The following SMG5 variants were observed in gnomAD, a reference collection of about 807,000 sequenced individuals.
The protein encoded by SMG5 is nonsense-mediated mRNA decay factor SMG5.
SMG5 carries 53 observed loss-of-function variants against 122.9 expected under a neutral mutation model. The observed-to-expected ratio is 0.43, with a 90% CI of 0.35 to 0.54. The LOEUF (loss-of-function observed/expected upper bound fraction) is 0.54. Among genes scored for constraint, SMG5 ranks in the 20% least tolerant of loss-of-function variants. SMG5 has a pLI of 0.01. For synonymous variants in SMG5, 477 were observed against 490.2 expected, an observed-to-expected ratio of 0.97 and a Z score of 0.35; for missense variants, 1,153 against 1,285.6, an observed-to-expected ratio of 0.90 and a Z score of 1.58.
chr1:156,271,065 C>T (rs777510107), intron 7 of SMG5, among the ~76,000 whole-genome samples: 5 of 151,274 alleles, frequency 3.3e-5, no homozygotes, highest in South Asian at 2.1e-4. Flanking sequence ...AACCTAGTAA[C>T]GATACTTAAG....
At chr1:156,272,868 T>A (rs973869519) in intron 6 of SMG5, among the ~76,000 whole-genome samples, 1 of 152,166 alleles carries the variant, frequency 6.6e-6, no homozygotes, top group Non-Finnish European at 1.5e-5. Context: ...CCCGGCCTAC[T>A]GACCTCTTCT....
intron 13 of SMG5, 61 bp from the exon 14 acceptor site, chr1:156,261,469 A>G: frequency 7.2e-7 from 1 of 1,383,280 alleles, no homozygotes; most frequent in South Asian, 1.2e-5. Context: ...AACAGCAGTG[A>G]GCAAGGAAAG....
chr1:156,261,399 T>C lies in SMG5; in HGVS notation c.2041A>G (p.Ser681Gly), dbSNP rs1371997724. The stretch of plus-strand genomic sequence containing the variant: ...AACACAGACAGGCGGTTCCACAGAC[T>C]TTGAGAGCTCTGGGGAGAGAGAAGG... ...LIIVCAQSSQ[S>G]LWNRLSVLLN... is the part of the protein sequence containing the mutation. The change falls in exon 14 of 22, where the codon AGT (serine) becomes GGT (glycine). Residue 681 changes from serine (S) to glycine (G), a missense_variant. Coordinates refer to ENST00000361813, the MANE Select transcript of SMG5 (RefSeq NM_015327.3). 1.9e-6 allele frequency: 3 copies of C among 1,613,704 alleles called. No homozygotes were observed. The African/African-American group carries it at 4.0e-5, about 22-fold the overall frequency.
At chr1:156,266,775 A>C in intron 10 of SMG5, 97 bp from the exon 11 acceptor site, 1 of 1,351,812 alleles carries the variant, frequency 7.4e-7, no homozygotes, top group Non-Finnish European at 1.0e-6. Flanking sequence ...CAACTCTTCC[A>C]AGGATCCAAC....
At position 156,251,469 on chromosome 1, in the gene SMG5, C is replaced by T. The variant is rs759619813; in HGVS notation, c.2762G>A (p.Arg921His). Residue 921 changes from arginine (R) to histidine (H), a missense_variant, in exon 20 of 22, where the codon CGC (arginine) becomes CAC (histidine). Arg to His is a conservative substitution (Grantham distance 29, BLOSUM62 0). Around this residue, in one of 5 missense-constraint regions of SMG5, gnomAD observed 140 missense variants for 227.8 expected, o/e 0.61. Transcript: ENST00000361813. Reference protein sequence around the residue: ...AEFKKGNRYIRCQKEVGKSFE... With the variant: ...AEFKKGNRYIHCQKEVGKSFE... ...GCTCTTTCCCACCTCTTTCTGGCAG[C>T]GAATGTACCTGCAGAGGAGATGTGC... The T allele has an allele frequency of 3.1e-6, 5 of 1,614,034 alleles. No individual in the cohort carries two copies. The highest frequency in any genetic ancestry group is 1.7e-4 in the Middle Eastern group (1 of 5,952).
chr1:156,282,644 G>A lies in SMG5; in HGVS notation c.37C>T (p.Pro13Ser), dbSNP rs771884743. Reference sequence around the variant, plus strand: ...TTAGTGTGGAGGACTTTTGCTTCGGGCTCGCTGCTCTCCCCTGTGGGGGGG... The same window carrying A: ...TTAGTGTGGAGGACTTTTGCTTCGGACTCGCTGCTCTCCCCTGTGGGGGGG... ...QGPPTGESSE[P>S]EAKVLHTKRL... Residue 13 changes from proline (P) to serine (S), a missense_variant, in exon 1 of 22, where the codon CCC becomes TCC. Coordinates refer to ENST00000361813, the MANE Select transcript of SMG5 (RefSeq NM_015327.3). 9 of 1,608,088 alleles carry A rather than the reference G, an allele frequency of 5.6e-6. No individual in the cohort carries two copies. Among genetic ancestry groups the A allele is most frequent in the Non-Finnish European group, 6.8e-6 (8 of 1,179,660 alleles).
chr1:156,276,063 G>A (rs149828289), intron 4 of SMG5, among the ~76,000 whole-genome samples: 42 of 151,252 alleles, frequency 2.8e-4, no homozygotes, highest in African/African-American at 8.5e-4. Flanking sequence ...CAATCCTCCC[G>A]CCTTGGCCTC....
At chr1:156,291,285 G>C in the SMG5 span, 1 of 1,047,876 alleles carries the variant, frequency 9.5e-7, no homozygotes, top group East Asian at 2.4e-5. Context: ...CCCACCAACT[G>C]CATCTGCCTC....
At chr1:156,262,763 C>A (rs1456140809) in intron 13 of SMG5, among the ~76,000 whole-genome samples, 1 of 152,236 alleles carries the variant, frequency 6.6e-6, no homozygotes, top group Non-Finnish European at 1.5e-5. Flanking sequence ...CAAACCGTCT[C>A]ATCTGGGGAC....
chr1:156,285,943 A>G (rs773318872), upstream of SMG5: 34 of 1,612,558 alleles, frequency 2.1e-5, no homozygotes, highest in Non-Finnish European at 2.5e-5. Flanking sequence ...TGATCTACAC[A>G]CTGCGCTGCG....
rs1558244523 is a variant in SMG5 at position 156,274,705 on chromosome 1, G to C, written c.455-19C>G. On this transcript the variant is annotated intron_variant, in intron 4 of 21. Transcript: ENST00000361813. ...TTGCATCCTATGAGACAAAGAGAAAGAGATTTGTAGGCCCATTCTTCTGCC... is the reference window on the plus strand; with the variant it reads ...TTGCATCCTATGAGACAAAGAGAAACAGATTTGTAGGCCCATTCTTCTGCC... 6.2e-7 allele frequency: 1 copy of C among 1,602,642 alleles called. No individual in the cohort carries two copies. The highest frequency in any genetic ancestry group is 1.3e-5 in the African/African-American group (1 of 74,824).
chr1:156,249,627 G>A lies in SMG5; in HGVS notation c.*960C>T. The A allele has an allele frequency of 2.5e-6, 1 of 407,438 alleles. No homozygotes were observed. Among genetic ancestry groups the A allele is most frequent in the Non-Finnish European group, 5.1e-6 (1 of 197,564 alleles). The allele number at this position is 407,438 out of a possible 1,614,324, so 25.2% of individuals were successfully genotyped here. A position where few individuals can be genotyped will look rare whatever the true frequency, so the allele number is the denominator to read the frequency against. On this transcript the variant is annotated 3_prime_UTR_variant, in exon 22 of 22. Transcript: ENST00000361813. The stretch of plus-strand genomic sequence containing the variant: ...TCAGTCCTGCGGAAGGCAAAAGGAG[G>A]GACGGGGGCCTCTGACTGAGCAGCT...
chr1:156,286,465 C>T (rs200567478), upstream of SMG5: 278 of 1,614,084 alleles, frequency 1.7e-4, no homozygotes, highest in Middle Eastern at 8.2e-4. Flanking sequence ...GTCTCTTTGC[C>T]GTCTCCCGGT....
the SMG5 span, among the ~76,000 whole-genome samples, chr1:156,288,803 T>C: frequency 2.0e-5 from 3 of 152,186 alleles, no homozygotes; most frequent in Non-Finnish European, 4.4e-5. Flanking sequence ...TCCCAATAGG[T>C]TTTCCCAAAA....
At chr1:156,258,888 T>A in intron 16 of SMG5, 117 bp downstream of exon 16, 5 of 1,255,102 alleles carry the variant, frequency 4.0e-6, no homozygotes, top group African/African-American at 1.5e-5. Context: ...CCCCTCTCCC[T>A]AGGCATCTTA....
chr1:156,284,044 A>T (rs1381455103), upstream of SMG5, among the ~76,000 whole-genome samples: 1 of 152,204 alleles, frequency 6.6e-6, no homozygotes, highest in African/African-American at 2.4e-5. Flanking sequence ...ATTTCTGGGT[A>T]TCCCAGCCTA....
At position 156,267,525 on chromosome 1, in the gene SMG5, G is replaced by A. The variant is rs1347432879; in HGVS notation, c.1062C>T (p.Leu354=). The part of the protein sequence containing the change: ...ESGYAFLPDL[L]IFQMVIICLM... ...GGCAGATGATGACCATTTGAAAGAT[G>A]AGAAGGTCCGGGAGGAAAGCATATC... Residue 354 remains leucine, a synonymous_variant, in exon 10 of 22, where the codon CTC becomes CTT. Coordinates refer to ENST00000361813, the MANE Select transcript of SMG5 (RefSeq NM_015327.3). 2 of 1,614,152 alleles carry A rather than the reference G, an allele frequency of 1.2e-6. No individual in the cohort carries two copies. The highest frequency in any genetic ancestry group is 1.7e-6 in the Non-Finnish European group (2 of 1,180,010).
At chr1:156,251,240 G>A (rs969445314) in intron 20 of SMG5, 163 bp downstream of exon 20, 4 of 949,056 alleles carry the variant, frequency 4.2e-6, no homozygotes, top group African/African-American at 1.6e-5. Flanking sequence ...CTCAGGTGCT[G>A]CGGCAACTTC....
At chr1:156,254,136 C>T (rs1315963892) in intron 16 of SMG5, among the ~76,000 whole-genome samples, 1 of 152,334 alleles carries the variant, frequency 6.6e-6, no homozygotes, top group South Asian at 2.1e-4. Flanking sequence ...TTGTGCCCCC[C>T]TAAACAGCAT....
Sources: gnomAD v4.1 joint callset for allele counts (sites outside exome capture counted in the v4.1 genomes callset) on GRCh38, gnomAD v4.1.1 for gene constraint, gnomAD v4.1.1 regional missense constraint, MANE v1.5 for transcripts, NCBI Gene and HGNC (gene_info 2026-07-23, HGNC 2026-07-21) for gene names.